B3GALT1: variants seen among roughly 807,000 people sequenced by gnomAD.
B3GALT1 encodes the protein UDP-Gal:betaGlcNAc beta 1,3-galactosyltransferase, polypeptide 1.
A neutral mutation model predicts 23.2 loss-of-function variants in B3GALT1; 10 were observed. The ratio of observed to expected loss-of-function variants is 0.43; its 90% confidence interval spans 0.27 to 0.73. The LOEUF is 0.73. Ranked by LOEUF, B3GALT1 falls within the 30% of genes least tolerant of loss-of-function variation. The pLI, the probability that B3GALT1 is intolerant of heterozygous loss-of-function variation, is 0.21. For missense variants in B3GALT1, 299 were observed against 405.4 expected, an observed-to-expected ratio of 0.74 and a Z score of 2.25; for synonymous variants, 156 against 141.5, an observed-to-expected ratio of 1.10 and a Z score of -0.73.
intron 3 of B3GALT1, among the ~76,000 whole-genome samples, chr2:167,659,979 C>T (rs1686027919): frequency 2.0e-5 from 3 of 152,174 alleles, no homozygotes; most frequent in South Asian, 2.1e-4. Context: ...GTCTGTTTGT[C>T]GTGATCTGCA....
intron 2 of B3GALT1, among the ~76,000 whole-genome samples, chr2:167,621,850 C>T (rs1439855606): frequency 6.6e-6 from 1 of 151,982 alleles, no homozygotes; most frequent in Non-Finnish European, 1.5e-5. Context: ...TACCTTCCAC[C>T]ATGATTGTGT....
intron 1 of B3GALT1, among the ~76,000 whole-genome samples, chr2:167,413,368 A>G (rs1698420711): frequency 6.6e-6 from 1 of 152,020 alleles, no homozygotes; most frequent in Non-Finnish European, 1.5e-5. Flanking sequence ...TCATGATTTA[A>G]ACATAACAGT....
chr2:167,300,336 A>C (rs570784209), intron 1 of B3GALT1, among the ~76,000 whole-genome samples: 2 of 152,376 alleles, frequency 1.3e-5, no homozygotes, highest in African/African-American at 4.8e-5. Context: ...CATTTTTAAT[A>C]AATGTAAATA....
At chr2:167,574,697 T>G (rs1200642316) in intron 2 of B3GALT1, among the ~76,000 whole-genome samples, 1 of 151,764 alleles carries the variant, frequency 6.6e-6, no homozygotes, top group Non-Finnish European at 1.5e-5. Context: ...ATTAAGAATC[T>G]TTATCAGTTC....
intron 2 of B3GALT1, among the ~76,000 whole-genome samples, chr2:167,542,620 T>C (rs934779468): frequency 5.9e-5 from 9 of 152,176 alleles, no homozygotes; most frequent in African/African-American, 2.2e-4. Flanking sequence ...TCTGATCCAC[T>C]TGTATAAAAG....
At chr2:167,691,312 A>T (rs1379580976) in intron 3 of B3GALT1, among the ~76,000 whole-genome samples, 4 of 152,056 alleles carry the variant, frequency 2.6e-5, no homozygotes, top group Non-Finnish European at 5.9e-5. Context: ...TCCCATGTGG[A>T]ATGGGCCTCT....
intron 3 of B3GALT1, among the ~76,000 whole-genome samples, chr2:167,790,173 C>T (rs1328389489): frequency 6.6e-6 from 1 of 152,090 alleles, no homozygotes; most frequent in Non-Finnish European, 1.5e-5. Context: ...AGGTTGTCTG[C>T]CTCTCCTTTT....
intron 3 of B3GALT1, among the ~76,000 whole-genome samples, chr2:167,781,390 A>G (rs950712880): frequency 2.0e-5 from 3 of 152,170 alleles, no homozygotes; most frequent in Non-Finnish European, 4.4e-5. Flanking sequence ...GTTTTTTCAC[A>G]GGAACTTTCT....
intron 3 of B3GALT1, among the ~76,000 whole-genome samples, chr2:167,776,282 T>G (rs1200968154): frequency 6.6e-6 from 1 of 152,144 alleles, no homozygotes; most frequent in African/African-American, 2.4e-5. Context: ...GTGAGGAAAC[T>G]TCCACACTAT....
intron 3 of B3GALT1, among the ~76,000 whole-genome samples, chr2:167,804,255 G>C (rs1448401790): frequency 6.6e-6 from 1 of 151,974 alleles, no homozygotes; most frequent in Non-Finnish European, 1.5e-5. Flanking sequence ...CGCCCAAAGT[G>C]CTGGGATTAC....
chr2:167,795,064 C>T (rs567133400), intron 3 of B3GALT1, among the ~76,000 whole-genome samples: 1 of 152,210 alleles, frequency 6.6e-6, no homozygotes, highest in African/African-American at 2.4e-5. Context: ...GAGAGGTAAC[C>T]CGGTTACTAG....
chr2:167,378,938 G>C (rs1697802977), intron 1 of B3GALT1, among the ~76,000 whole-genome samples: 1 of 152,156 alleles, frequency 6.6e-6, no homozygotes, highest in Admixed American at 6.5e-5. Context: ...TTCATCTGGA[G>C]ATGCTGGCAC....
At chr2:167,811,560 G>T (rs1271446133) in intron 3 of B3GALT1, among the ~76,000 whole-genome samples, 2 of 152,174 alleles carry the variant, frequency 1.3e-5, no homozygotes, top group East Asian at 3.9e-4. Context: ...TGCTTGCCAT[G>T]TACAACTTCA....
chr2:167,474,904 A>G (rs894906518), intron 1 of B3GALT1, among the ~76,000 whole-genome samples: 1 of 152,178 alleles, frequency 6.6e-6, no homozygotes, highest in African/African-American at 2.4e-5. Flanking sequence ...GCCAATTCAG[A>G]TATAATTACT....
Position 167,580,795 on chromosome 2 carries a change from C to T in B3GALT1, c.-409-66114C>T, listed in dbSNP as rs114278055. 3.6e-3 allele frequency among the ~76,000 whole-genome samples: 547 copies of T among 152,228 alleles called. 3 individuals carry two copies. Among genetic ancestry groups the T allele is most frequent in the African/African-American group, 0.013 (521 of 41,544 alleles). On this transcript the variant is annotated intron_variant, in intron 2 of 4. Coordinates refer to ENST00000392690, the MANE Select transcript of B3GALT1 (RefSeq NM_020981.4). ...TTTTGGAGGATACACTACTGGTCTC[C>T]AGTGAAGATAGAGTAAGAGATCTTT... is the stretch of plus-strand genomic sequence containing the variant.
intron 1 of B3GALT1, among the ~76,000 whole-genome samples, chr2:167,426,309 CT>C (rs2105304740): frequency 6.9e-6 from 1 of 145,800 alleles, no homozygotes; most frequent in South Asian, 2.2e-4. Context: ...GAGTCTTGCT[CT>C]GTCGCCCAGG....
rs1001970778 is a variant in B3GALT1, at chr2:167,396,546, G to A, written c.-510-93631G>A. Among the ~76,000 whole-genome samples, 107 of 149,432 alleles carry A rather than the reference G, an allele frequency of 7.2e-4. 1 individual carries two copies. In the East Asian group the frequency reaches 0.015, roughly 21 times the overall value. ...TATATATATATATATGTGTGTGTGT[G>A]TGTGTGTGTGTGTGTGTGTTTAATT... is the stretch of plus-strand genomic sequence containing the variant. On this transcript the variant is annotated intron_variant, in intron 1 of 4. Coordinates refer to ENST00000392690, the MANE Select transcript of B3GALT1 (RefSeq NM_020981.4).
chr2:167,426,864 A>G (rs1159805998), intron 1 of B3GALT1, among the ~76,000 whole-genome samples: 1 of 152,220 alleles, frequency 6.6e-6, no homozygotes, highest in Non-Finnish European at 1.5e-5. Flanking sequence ...CATTGCACCC[A>G]TAGGTATATA....
intron 3 of B3GALT1, among the ~76,000 whole-genome samples, chr2:167,688,284 T>A (rs1686649738): frequency 6.6e-6 from 1 of 152,076 alleles, no homozygotes; most frequent in Non-Finnish European, 1.5e-5. Context: ...TCAAATGGAA[T>A]GAAAAAGACA....
Sources: allele counts gnomAD v4.1 joint callset (sites outside exome capture counted in the v4.1 genomes callset), GRCh38; gene constraint gnomAD v4.1.1; transcripts MANE v1.5; gene names NCBI Gene and HGNC (gene_info 2026-07-23, HGNC 2026-07-21).